LRMDA: variants seen among roughly 807,000 people sequenced by gnomAD.
LRMDA encodes the protein leucine-rich melanocyte differentiation-associated protein.
A neutral mutation model predicts 29.8 loss-of-function variants in LRMDA; 18 were observed. The observed-to-expected ratio is 0.60, with a 90% CI of 0.42 to 0.90. The LOEUF is 0.90. Ranked by LOEUF, LRMDA falls within the 40% of genes least tolerant of loss-of-function variation. LRMDA has a pLI of 0.00. For synonymous variants in LRMDA, 125 were observed against 109.4 expected (o/e 1.14, Z -0.89); for missense variants, 273 against 273.9 (o/e 1.00, Z 0.02).
chr10:76,007,415 G>A (rs865810782), intron 2 of LRMDA, among the ~76,000 whole-genome samples: 16 of 152,264 alleles, frequency 1.1e-4, no homozygotes, highest in Middle Eastern at 3.4e-3. Context: ...GTGGCATGGA[G>A]CAGGGCTACA....
intron 5 of LRMDA, among the ~76,000 whole-genome samples, chr10:76,090,520 G>C (rs1374605213): frequency 6.6e-6 from 1 of 152,198 alleles, no homozygotes; most frequent in East Asian, 1.9e-4. Flanking sequence ...CGGCAATTCT[G>C]CTTCTGAGTG....
chr10:75,889,512 T>C (rs892943171), intron 2 of LRMDA, among the ~76,000 whole-genome samples: 2 of 152,144 alleles, frequency 1.3e-5, no homozygotes, highest in African/African-American at 2.4e-5. Flanking sequence ...CAATGGATTA[T>C]TATTTTTTTT....
At chr10:76,402,006 C>T (rs535226418) in intron 6 of LRMDA, among the ~76,000 whole-genome samples, 9 of 152,018 alleles carry the variant, frequency 5.9e-5, no homozygotes, top group Non-Finnish European at 1.2e-4. Context: ...TTCAGAAAGT[C>T]ATAAGTACTA....
chr10:75,499,155 GA>G (rs1845083444), intron 2 of LRMDA, among the ~76,000 whole-genome samples: 1 of 152,122 alleles, frequency 6.6e-6, no homozygotes, highest in African/African-American at 2.4e-5. Flanking sequence ...CCAGATTGAT[GA>G]AAGAGGTGCT....
chr10:75,888,521 A>G (rs1187421349), intron 2 of LRMDA, among the ~76,000 whole-genome samples: 1 of 152,214 alleles, frequency 6.6e-6, no homozygotes, highest in South Asian at 2.1e-4. Context: ...TAAATTGCAG[A>G]CAAAACAAGC....
At chr10:75,482,897 C>T (rs1844869349) in intron 2 of LRMDA, among the ~76,000 whole-genome samples, 1 of 151,676 alleles carries the variant, frequency 6.6e-6, no homozygotes, top group Non-Finnish European at 1.5e-5. Flanking sequence ...AATCTCGAAG[C>T]AAAAATATGT....
chr10:75,619,426 G>A (rs763284663), intron 2 of LRMDA, among the ~76,000 whole-genome samples: 1 of 152,150 alleles, frequency 6.6e-6, no homozygotes, highest in Non-Finnish European at 1.5e-5. Flanking sequence ...TTCATAGCCC[G>A]TGAGTAGGTT....
intron 2 of LRMDA, among the ~76,000 whole-genome samples, chr10:75,489,681 C>G (rs769794442): frequency 4.6e-5 from 7 of 152,174 alleles, no homozygotes; most frequent in Non-Finnish European, 8.8e-5. Flanking sequence ...TCTCCCCAAG[C>G]CTTGTTATCA....
At chr10:76,004,119 A>G (rs919134941) in intron 2 of LRMDA, among the ~76,000 whole-genome samples, 34 of 152,362 alleles carry the variant, frequency 2.2e-4, no homozygotes, top group African/African-American at 8.2e-4. Context: ...ATAATTTACA[A>G]GTTCACACCA....
intron 5 of LRMDA, among the ~76,000 whole-genome samples, chr10:76,235,355 A>C (rs1211521420): frequency 6.6e-6 from 1 of 152,178 alleles, no homozygotes; most frequent in Non-Finnish European, 1.5e-5. Flanking sequence ...AATAATAATG[A>C]AAAAGTTTGA....
chr10:75,498,832 T>C (rs1238147055), intron 2 of LRMDA, among the ~76,000 whole-genome samples: 1 of 151,770 alleles, frequency 6.6e-6, no homozygotes, highest in African/African-American at 2.4e-5. Context: ...ATGGGGTGAG[T>C]TGGCAAAGTA....
intron 2 of LRMDA, among the ~76,000 whole-genome samples, chr10:75,710,656 G>T (rs750418757): frequency 6.6e-6 from 1 of 152,244 alleles, no homozygotes; most frequent in Non-Finnish European, 1.5e-5. Context: ...ATCTGGGCAT[G>T]TGGGTTCGAG....
At chr10:75,875,509 C>T (rs983847493) in intron 2 of LRMDA, among the ~76,000 whole-genome samples, 7 of 152,162 alleles carry the variant, frequency 4.6e-5, no homozygotes, top group Admixed American at 3.3e-4. Flanking sequence ...TCTTGGCTCA[C>T]TGCAACCTCC....
rs926498681 is a variant in LRMDA at position 75,887,495 on chromosome 10, A to G, written c.132-148513A>G. ...GTCTTAGCAGGCTTCAGTGTGGTCT[A>G]ACTGAGGTGTTGGCAAACTTTGACT... On this transcript the variant is annotated intron_variant, in intron 2 of 6. Coordinates refer to ENST00000611255, the MANE Select transcript of LRMDA (RefSeq NM_001305581.2). Among the ~76,000 whole-genome samples, 8 of 151,782 alleles carry G rather than the reference A, an allele frequency of 5.3e-5. No homozygotes were observed. The South Asian group carries it at 1.4e-3, about 28-fold the overall frequency.
chr10:76,318,201 T>C (rs1281387586), intron 5 of LRMDA: 1 of 152,262 alleles, frequency 6.6e-6, no homozygotes, highest in African/African-American at 2.4e-5. Context: ...GAATTAGTTA[T>C]GTAATAGCCC....
At chr10:75,675,796 A>G (rs1473939224) in intron 2 of LRMDA, among the ~76,000 whole-genome samples, 1 of 152,122 alleles carries the variant, frequency 6.6e-6, no homozygotes, top group African/African-American at 2.4e-5. Flanking sequence ...TTTGTAGGAC[A>G]GGCGTATCTG....
In LRMDA at chr10:76,247,360, G is replaced by A. The variant is rs113280989; in HGVS notation, c.517-77041G>A. Among the ~76,000 whole-genome samples the A allele has an allele frequency of 4.6e-3, 699 of 152,278 alleles. 3 individuals carry two copies. The highest frequency in any genetic ancestry group is 0.016 in the African/African-American group (658 of 41,542). On this transcript the variant is annotated intron_variant, in intron 5 of 6. Coordinates refer to ENST00000611255, the MANE Select transcript of LRMDA (RefSeq NM_001305581.2). ...TGAGGCAACATCCTTAACATTGGGC[G>A]AGGTAGTCTGGCTATTAACCATGAA...
chr10:75,813,562 T>G (rs932682985), intron 2 of LRMDA, among the ~76,000 whole-genome samples: 60 of 152,322 alleles, frequency 3.9e-4, no homozygotes, highest in African/African-American at 1.4e-3. Flanking sequence ...AGTTTGGGTT[T>G]ATATCTGGAG....
At chr10:75,694,069 A>C (rs1842203182) in intron 2 of LRMDA, among the ~76,000 whole-genome samples, 2 of 152,250 alleles carry the variant, frequency 1.3e-5, no homozygotes, top group African/African-American at 4.8e-5. Context: ...GTAGAGGAAA[A>C]AAATGTTTGA....
Sources: gnomAD v4.1 joint callset for allele counts (sites outside exome capture counted in the v4.1 genomes callset) on GRCh38, gnomAD v4.1.1 for gene constraint, MANE v1.5 for transcripts, NCBI Gene and HGNC (gene_info 2026-07-23, HGNC 2026-07-21) for gene names.